The following KAZN variants were observed in gnomAD, a reference collection of about 807,000 sequenced individuals.
KAZN encodes the protein kazrin.
A neutral mutation model predicts 87.4 loss-of-function variants in KAZN; 40 were observed. That is an observed-to-expected ratio of 0.46 (90% CI 0.36 to 0.60). KAZN has a LOEUF of 0.60. Ranked by LOEUF, KAZN falls within the 20% of genes least tolerant of loss-of-function variation. The pLI is 0.00. For synonymous variants in KAZN, 466 were observed against 458.3 expected (o/e 1.02, Z -0.22); for missense variants, 898 against 1,073.9 (o/e 0.84, Z 2.29).
At chr1:14,425,185 G>A (rs767962927) in intron 2 of KAZN, among the ~76,000 whole-genome samples, 7 of 152,124 alleles carry the variant, frequency 4.6e-5, no homozygotes, top group African/African-American at 7.2e-5. Flanking sequence ...GCCAAGGCAG[G>A]CCCATGTTCT....
chr1:14,061,642 C>G (rs527998692), intron 1 of KAZN, among the ~76,000 whole-genome samples: 1 of 152,298 alleles, frequency 6.6e-6, no homozygotes, highest in South Asian at 2.1e-4. Flanking sequence ...TCCATCTTCC[C>G]CAACGGCAAA....
chr1:14,993,620 C>T (rs540974586), intron 2 of KAZN, among the ~76,000 whole-genome samples: 1 of 152,222 alleles, frequency 6.6e-6, no homozygotes, highest in East Asian at 1.9e-4. Context: ...CCGCCACCCC[C>T]CTGCTGCCTC....
chr1:14,740,333 T>C (rs953133194), intron 1 of KAZN, among the ~76,000 whole-genome samples: 1 of 152,178 alleles, frequency 6.6e-6, no homozygotes, highest in African/African-American at 2.4e-5. Flanking sequence ...GAAAACTTGG[T>C]GGAGGGAGTG....
chr1:14,756,088 G>A (rs1644556847), intron 1 of KAZN, among the ~76,000 whole-genome samples: 1 of 152,112 alleles, frequency 6.6e-6, no homozygotes, highest in Admixed American at 6.5e-5. Context: ...AGTTGCCATG[G>A]CTTTGTTCCT....
intron 1 of KAZN, among the ~76,000 whole-genome samples, chr1:14,055,904 G>A (rs1315921198): frequency 1.3e-5 from 2 of 152,154 alleles, no homozygotes; most frequent in Non-Finnish European, 2.9e-5. Context: ...ATGCTACCGA[G>A]CCTTTTATTT....
At chr1:14,844,520 T>A (rs1648447609) in intron 1 of KAZN, among the ~76,000 whole-genome samples, 1 of 152,236 alleles carries the variant, frequency 6.6e-6, no homozygotes, top group East Asian at 1.9e-4. Context: ...GCTGTCAGCC[T>A]GGCTGAACAT....
intron 2 of KAZN, among the ~76,000 whole-genome samples, chr1:14,544,161 C>T (rs1672981363): frequency 6.6e-6 from 1 of 152,024 alleles, no homozygotes; most frequent in African/African-American, 2.4e-5. Context: ...AAAAGAATCA[C>T]TTGGGTAAAT....
chr1:14,893,211 C>T (rs538605641), intron 1 of KAZN, among the ~76,000 whole-genome samples: 6 of 152,002 alleles, frequency 3.9e-5, no homozygotes, highest in East Asian at 1.9e-4. Flanking sequence ...ACTAAAAATG[C>T]GAAATGTAGC....
intron 1 of KAZN, among the ~76,000 whole-genome samples, chr1:14,157,147 T>C (rs4662127): frequency 0.64 from 97,904 of 152,008 alleles, 33,194 homozygotes; most frequent in African/African-American, 0.86. Flanking sequence ...ACTTCATCCC[T>C]TCACTTTTTA....
Position 14,162,495 on chromosome 1 carries a change from A to G in KAZN, c.92-17940A>G, listed in dbSNP as rs1645728583. Among the ~76,000 whole-genome samples the G allele has an allele frequency of 8.6e-5, 13 of 151,932 alleles. 1 individual carries two copies. In the South Asian group the frequency reaches 2.7e-3, roughly 32 times the overall value. ...CCACCTTAAATATTTCTAAGGCCAC[A>G]GCAAAAGATTTTATAGCTACACTCT... On this transcript the variant is annotated intron_variant, in intron 1 of 16. Coordinates refer to the KAZN transcript ENST00000636203.
chr1:14,975,169 G>A (rs988528508), intron 2 of KAZN, among the ~76,000 whole-genome samples: 1 of 152,224 alleles, frequency 6.6e-6, no homozygotes. Context: ...TCCTGGGTGA[G>A]GGAAAGAGCA....
intron 2 of KAZN, among the ~76,000 whole-genome samples, chr1:14,411,428 G>C (rs1271994033): frequency 1.3e-5 from 2 of 152,180 alleles, no homozygotes; most frequent in Non-Finnish European, 2.9e-5. Context: ...CCGAGTAGCT[G>C]TAATTACAGG....
intron 2 of KAZN, among the ~76,000 whole-genome samples, chr1:14,256,104 T>C (rs983922287): frequency 3.3e-5 from 5 of 152,228 alleles, no homozygotes; most frequent in African/African-American, 1.2e-4. Flanking sequence ...CCAGAGCTGC[T>C]TTTTTGCTAA....
chr1:14,207,730 A>G (rs375534572), intron 2 of KAZN, among the ~76,000 whole-genome samples: 18 of 152,188 alleles, frequency 1.2e-4, no homozygotes, highest in African/African-American at 4.1e-4. Flanking sequence ...GAGTTGGAAC[A>G]TTCTAGAATG....
At chr1:14,414,869 T>C (rs1223305032) in intron 2 of KAZN, among the ~76,000 whole-genome samples, 1 of 151,970 alleles carries the variant, frequency 6.6e-6, no homozygotes, top group Non-Finnish European at 1.5e-5. Flanking sequence ...TACTAAAAAA[T>C]ACAAAAGTTA....
At position 14,097,481 on chromosome 1, in the gene KAZN, C is replaced by T. The variant is rs553257893; in HGVS notation, c.92-82954C>T. Among the ~76,000 whole-genome samples, 194 of 152,124 alleles carry T rather than the reference C, an allele frequency of 1.3e-3. 4 individuals are homozygous for T. In the South Asian group the frequency reaches 0.039, roughly 30 times the overall value. Reference sequence around the variant, plus strand: ...ATAGAGTGACCTTTAATATGGATGGCGGAAATGAGAGACACAAGGAAATTT... The same window carrying T: ...ATAGAGTGACCTTTAATATGGATGGTGGAAATGAGAGACACAAGGAAATTT... On this transcript the variant is annotated intron_variant, in intron 1 of 16. Coordinates refer to the KAZN transcript ENST00000636203.
At chr1:14,650,270 T>TA (rs1015121133) in intron 1 of KAZN, among the ~76,000 whole-genome samples, 3 of 152,120 alleles carry the variant, frequency 2.0e-5, no homozygotes, top group Non-Finnish European at 4.4e-5. Context: ...ATTAAAGACT[T>TA]ACGGCTGGGC....
At chr1:14,426,919 T>C (rs1299053008) in intron 2 of KAZN, among the ~76,000 whole-genome samples, 1 of 152,232 alleles carries the variant, frequency 6.6e-6, no homozygotes, top group Non-Finnish European at 1.5e-5. Flanking sequence ...CTTGGATTCT[T>C]CTATCACTCA....
At chr1:14,628,709 C>T (rs2148655062) in intron 1 of KAZN, among the ~76,000 whole-genome samples, 1 of 152,334 alleles carries the variant, frequency 6.6e-6, no homozygotes, top group South Asian at 2.1e-4. Flanking sequence ...GTCCCACCGT[C>T]CCTGTTTCAG....
Sources: allele counts gnomAD v4.1 joint callset (sites outside exome capture counted in the v4.1 genomes callset), GRCh38; gene constraint gnomAD v4.1.1; transcripts MANE v1.5; gene names NCBI Gene and HGNC (gene_info 2026-07-23, HGNC 2026-07-21).